ROBO2: variants seen among roughly 807,000 people sequenced by gnomAD.
ROBO2 encodes roundabout guidance receptor 2.
In ROBO2, 53 loss-of-function variants were observed where a neutral mutation model predicts 160.8. The observed-to-expected ratio is 0.33, with a 90% CI of 0.26 to 0.41. The LOEUF (loss-of-function observed/expected upper bound fraction) is 0.41, where lower values mean the gene tolerates loss of function less well. Among genes scored for constraint, ROBO2 ranks in the 10% least tolerant of loss-of-function variants. ROBO2 has a pLI of 1.00. For missense variants in ROBO2, 1,577 were observed against 1,722.4 expected, an observed-to-expected ratio of 0.92 and a Z score of 1.49; for synonymous variants, 664 against 611.7, an observed-to-expected ratio of 1.09 and a Z score of -1.26.
chr3:77,149,781 CTTATTCCTATTTTGCTTTT>C lies in ROBO2; in HGVS notation c.388+51444_388+51462del, dbSNP rs570923072. ...CTATTAAATATTTTGGTGATTAGGC[CTTATTCCTATTTTGCTTTT>C]TTTTTTTCTGCTTTTGTGATTCCAT... On this transcript the variant is annotated intron_variant, in intron 2 of 25. Coordinates refer to ENST00000461745, the Ensembl canonical transcript of ROBO2. Among the ~76,000 whole-genome samples, 190 of 145,374 alleles carry C rather than the reference CTTATTCCTATTTTGCTTTT, an allele frequency of 1.3e-3. 1 individual carries two copies. The highest frequency in any genetic ancestry group is 4.1e-3 in the African/African-American group (165 of 40,094).
intron 4 of ROBO2, among the ~76,000 whole-genome samples, chr3:77,491,576 C>G (rs577446832): frequency 6.6e-6 from 1 of 152,220 alleles, no homozygotes; most frequent in Admixed American, 6.5e-5. Context: ...GTTTTGGGCA[C>G]ATAGTGTACA....
chr3:76,691,415 T>A (rs528202001), intron 2 of ROBO2, among the ~76,000 whole-genome samples: 4 of 152,126 alleles, frequency 2.6e-5, no homozygotes, highest in Admixed American at 2.6e-4. Context: ...AAACGGGGGT[T>A]GTGATGAAAT....
At chr3:76,313,101 A>T (rs1382554307) in intron 2 of ROBO2, among the ~76,000 whole-genome samples, 1 of 152,244 alleles carries the variant, frequency 6.6e-6, no homozygotes, top group Non-Finnish European at 1.5e-5. Flanking sequence ...TCATAGCAAC[A>T]TATTTCATAT....
At chr3:76,825,843 T>C (rs1383304550) in intron 2 of ROBO2, among the ~76,000 whole-genome samples, 1 of 151,996 alleles carries the variant, frequency 6.6e-6, no homozygotes, top group Non-Finnish European at 1.5e-5. Context: ...ACGTAACAGA[T>C]TCCTAAAACT....
chr3:77,106,309 C>G (rs1486120116), intron 2 of ROBO2, among the ~76,000 whole-genome samples: 1 of 152,188 alleles, frequency 6.6e-6, no homozygotes, highest in Non-Finnish European at 1.5e-5. Context: ...TCCCAAAGTG[C>G]TGGGATTACA....
intron 24 of ROBO2, among the ~76,000 whole-genome samples, chr3:77,636,201 C>T (rs1036231658): frequency 6.6e-6 from 1 of 152,146 alleles, no homozygotes; most frequent in African/African-American, 2.4e-5. Context: ...CAAACTTCTT[C>T]TATTAAAGTC....
chr3:76,770,033 A>G lies in ROBO2; in HGVS notation c.110-327981A>G, dbSNP rs574521515. On this transcript the variant is annotated intron_variant, in intron 2 of 26. Coordinates refer to the ROBO2 transcript ENST00000487694. ...TTTTCACTTTGTGTCAACTATGTTTATCTCTTCACAATTAATTTTAATACA... is the reference window on the plus strand; with the variant it reads ...TTTTCACTTTGTGTCAACTATGTTTGTCTCTTCACAATTAATTTTAATACA... Among the ~76,000 whole-genome samples, 9 of 151,622 alleles carry G rather than the reference A, an allele frequency of 5.9e-5. No homozygotes were observed. The South Asian group carries it at 1.4e-3, about 24-fold the overall frequency.
At chr3:76,369,733 A>T (rs2076008957) in intron 2 of ROBO2, among the ~76,000 whole-genome samples, 1 of 151,890 alleles carries the variant, frequency 6.6e-6, no homozygotes, top group African/African-American at 2.4e-5. Flanking sequence ...TATACCCCTT[A>T]AATAACAAAG....
chr3:77,451,920 C>G (rs2081155882), intron 2 of ROBO2, among the ~76,000 whole-genome samples: 1 of 152,022 alleles, frequency 6.6e-6, no homozygotes, highest in Non-Finnish European at 1.5e-5. Context: ...CTATCCCTCC[C>G]CCAACCATCC....
intron 1 of ROBO2, among the ~76,000 whole-genome samples, chr3:77,084,558 C>A (rs2069065520): frequency 6.6e-6 from 1 of 152,048 alleles, no homozygotes; most frequent in South Asian, 2.1e-4. Flanking sequence ...CACTCTTGTG[C>A]TTTGTGACAA....
intron 2 of ROBO2, among the ~76,000 whole-genome samples, chr3:76,264,642 C>T (rs141100758): frequency 0.022 from 3,285 of 152,146 alleles, 65 homozygotes; most frequent in Non-Finnish European, 0.037. Context: ...CCAGAAAAAT[C>T]ACTTGATTCA....
chr3:76,874,349 C>T (rs1215088393), intron 2 of ROBO2, among the ~76,000 whole-genome samples: 1 of 152,120 alleles, frequency 6.6e-6, no homozygotes, highest in Non-Finnish European at 1.5e-5. Flanking sequence ...TCAGGTTTCT[C>T]GATTCTTTTT....
At chr3:77,325,222 G>A (rs563415300) in intron 2 of ROBO2, among the ~76,000 whole-genome samples, 6 of 152,118 alleles carry the variant, frequency 3.9e-5, no homozygotes, top group Non-Finnish European at 5.9e-5. Context: ...TGAATGTTGT[G>A]CCTACAGAGG....
chr3:76,255,758 C>G (rs1308428898), intron 2 of ROBO2, among the ~76,000 whole-genome samples: 1 of 151,784 alleles, frequency 6.6e-6, no homozygotes, highest in Non-Finnish European at 1.5e-5. Context: ...TTTAAAGATG[C>G]CTGTTGTATA....
rs775901046 is a variant in ROBO2 at position 77,481,179 on chromosome 3, G to T, written c.627G>T (p.Val209=). The change falls in exon 4 of 26, where the codon GTG becomes GTT. Residue 209 remains valine (V), a synonymous_variant. Transcript: ENST00000461745. ...ATACTTGTGTTGGTACCAATATGGTGGGAGAAAGGGACAGTGACCCAGCAG... is the reference window on the plus strand; with the variant it reads ...ATACTTGTGTTGGTACCAATATGGTTGGAGAAAGGGACAGTGACCCAGCAG... 3 of 1,605,970 alleles carry T rather than the reference G, an allele frequency of 1.9e-6. No homozygotes were observed. In the African/African-American group the frequency reaches 4.0e-5, roughly 21 times the overall value.
rs114107980 is a variant in ROBO2, at chr3:76,153,094, C to A, written c.109+215492C>A. Among the ~76,000 whole-genome samples the A allele has an allele frequency of 7.8e-3, 1,192 of 152,138 alleles. 14 individuals are homozygous for A. The highest frequency in any genetic ancestry group is 0.028 in the African/African-American group (1,153 of 41,516). On this transcript the variant is annotated intron_variant, in intron 2 of 26. Transcript: ENST00000487694. ...TTAATATAATAGTAAACAAATAAAT[C>A]TCTTGTGGATTTCAGTCCCATGAAA...
At chr3:77,152,324 G>T (rs546899514) in intron 2 of ROBO2, among the ~76,000 whole-genome samples, 1 of 152,244 alleles carries the variant, frequency 6.6e-6, no homozygotes, top group South Asian at 2.1e-4. Context: ...ACTATATTTA[G>T]CCTAATATCC....
chr3:76,669,078 A>G (rs1353946318), intron 2 of ROBO2, among the ~76,000 whole-genome samples: 2 of 152,128 alleles, frequency 1.3e-5, no homozygotes, highest in Non-Finnish European at 2.9e-5. Flanking sequence ...ATTCCAGATC[A>G]TGATGTTTAA....
chr3:75,984,031 A>G (rs1049216773), intron 2 of ROBO2, among the ~76,000 whole-genome samples: 1 of 151,400 alleles, frequency 6.6e-6, no homozygotes, highest in African/African-American at 2.4e-5. Flanking sequence ...GGAGATACCT[A>G]AATATTTCCA....
Sources: allele counts gnomAD v4.1 joint callset (sites outside exome capture counted in the v4.1 genomes callset), GRCh38; gene constraint gnomAD v4.1.1; transcripts MANE v1.5; gene names NCBI Gene and HGNC (gene_info 2026-07-23, HGNC 2026-07-21).